The following FHIT variants were observed in gnomAD, a reference collection of about 807,000 sequenced individuals.
FHIT encodes the protein fragile histidine triad diadenosine triphosphatase, also known as bis(5'-adenosyl)-triphosphatase.
In FHIT, 19 loss-of-function variants were observed where a neutral mutation model predicts 17.9. The ratio of observed to expected loss-of-function variants is 1.06; its 90% CI spans 0.74 to 1.56. The LOEUF (loss-of-function observed/expected upper bound fraction) is 1.56, where lower values mean the gene tolerates loss of function less well. Ranked by LOEUF, FHIT falls within the 40% of genes most tolerant of loss-of-function variation. The pLI, the probability that FHIT is intolerant of heterozygous loss-of-function variation, is 0.00. For missense variants in FHIT, 248 were observed against 189.2 expected (o/e 1.31, Z -1.82); for synonymous variants, 81 against 69.7 (o/e 1.16, Z -0.81).
intron 3 of FHIT, among the ~76,000 whole-genome samples, chr3:61,028,977 G>A (rs1436887671): frequency 6.6e-6 from 1 of 152,006 alleles, no homozygotes; most frequent in Non-Finnish European, 1.5e-5. Context: ...GGAGGTCTAG[G>A]TCAGGCACAG....
intron 1 of FHIT, among the ~76,000 whole-genome samples, chr3:61,208,477 G>C (rs1353575617): frequency 6.6e-6 from 1 of 152,070 alleles, no homozygotes; most frequent in African/African-American, 2.4e-5. Flanking sequence ...CTCAGGACTT[G>C]CTTTATGAAT....
At chr3:60,053,263 T>C (rs1458511243) in intron 5 of FHIT, among the ~76,000 whole-genome samples, 1 of 151,652 alleles carries the variant, frequency 6.6e-6, no homozygotes, top group Non-Finnish European at 1.5e-5. Flanking sequence ...ATTTTCTCTC[T>C]AGATACATAT....
intron 2 of FHIT, among the ~76,000 whole-genome samples, chr3:61,054,479 A>T (rs892412897): frequency 2.0e-5 from 3 of 152,342 alleles, no homozygotes; most frequent in Middle Eastern, 3.4e-3. Flanking sequence ...TAGTAGCATC[A>T]GCTAAGAATT....
intron 4 of FHIT, among the ~76,000 whole-genome samples, chr3:60,648,083 G>A (rs1283502016): frequency 1.3e-5 from 2 of 152,092 alleles, no homozygotes; most frequent in African/African-American, 2.4e-5. Flanking sequence ...AGGAAAAAAG[G>A]GAAAAATGAG....
chr3:60,937,905 C>T (rs969326767), intron 3 of FHIT, among the ~76,000 whole-genome samples: 8 of 152,012 alleles, frequency 5.3e-5, no homozygotes, highest in Non-Finnish European at 4.4e-5. Flanking sequence ...AATCACCTGG[C>T]TCTAGGGGGA....
At chr3:60,088,583 C>A (rs1381789192) in intron 5 of FHIT, among the ~76,000 whole-genome samples, 1 of 152,148 alleles carries the variant, frequency 6.6e-6, no homozygotes, top group East Asian at 1.9e-4. Flanking sequence ...CCTCAGTTTC[C>A]ACAATCAGAG....
chr3:60,609,037 A>T (rs1198187031), intron 4 of FHIT, among the ~76,000 whole-genome samples: 3 of 150,256 alleles, frequency 2.0e-5, no homozygotes, highest in African/African-American at 7.3e-5. Flanking sequence ...AAAAAAAAAA[A>T]GTATATAAAT....
chr3:60,139,204 G>A (rs1026012690), intron 5 of FHIT, among the ~76,000 whole-genome samples: 6 of 152,164 alleles, frequency 3.9e-5, no homozygotes, highest in Non-Finnish European at 7.3e-5. Flanking sequence ...TTCAGTACAG[G>A]AAGGCACGTG....
At chr3:60,238,967 G>C (rs1370710824) in intron 5 of FHIT, among the ~76,000 whole-genome samples, 4 of 152,108 alleles carry the variant, frequency 2.6e-5, no homozygotes, top group Non-Finnish European at 5.9e-5. Context: ...ATGGTCCAAG[G>C]AGTTCCATAG....
intron 8 of FHIT, among the ~76,000 whole-genome samples, chr3:59,761,250 GCCCTAAA>G (rs1247011676): frequency 1.3e-5 from 2 of 152,132 alleles, no homozygotes; most frequent in African/African-American, 4.8e-5. Context: ...GTAATAGTAA[GCCCTAAA>G]CAATATCAAA....
chr3:60,937,565 T>TC (rs1708243860), intron 3 of FHIT, among the ~76,000 whole-genome samples: 1 of 127,686 alleles, frequency 7.8e-6, no homozygotes, highest in Middle Eastern at 3.8e-3. Flanking sequence ...TTCTTTTCTT[T>TC]TCTTTTTTTT....
chr3:61,138,609 C>T (rs889568350), intron 2 of FHIT, among the ~76,000 whole-genome samples: 1 of 152,220 alleles, frequency 6.6e-6, no homozygotes, highest in Non-Finnish European at 1.5e-5. Context: ...GGTGGCACAA[C>T]AGGCCATGCT....
intron 5 of FHIT, among the ~76,000 whole-genome samples, chr3:60,437,295 G>A (rs1232815460): frequency 6.6e-6 from 1 of 151,992 alleles, no homozygotes; most frequent in African/African-American, 2.4e-5. Context: ...GAGAAGGAAG[G>A]CATATTTACA....
chr3:61,097,659 CTG>C (rs1321428454), intron 2 of FHIT, among the ~76,000 whole-genome samples: 1 of 152,034 alleles, frequency 6.6e-6, no homozygotes, highest in Non-Finnish European at 1.5e-5. Context: ...TGGTGTGAGA[CTG>C]TATCTCATTG....
intron 5 of FHIT, among the ~76,000 whole-genome samples, chr3:60,304,246 G>A (rs1052178990): frequency 5.3e-5 from 8 of 151,930 alleles, no homozygotes; most frequent in Admixed American, 1.3e-4. Flanking sequence ...TCAGTCAAGG[G>A]GTCACTTGGG....
At chr3:59,902,389 T>A (rs1185091668) in intron 8 of FHIT, among the ~76,000 whole-genome samples, 1 of 151,514 alleles carries the variant, frequency 6.6e-6, no homozygotes, top group African/African-American at 2.4e-5. Context: ...GTACAGAGTT[T>A]CCTCAAAAAT....
chr3:60,382,394 G>A (rs1004348523), intron 5 of FHIT, among the ~76,000 whole-genome samples: 4 of 152,168 alleles, frequency 2.6e-5, no homozygotes, highest in Admixed American at 2.6e-4. Context: ...AGCCATGAGC[G>A]AAGTGTTTTT....
chr3:60,146,834 A>G (rs1229458357), intron 5 of FHIT, among the ~76,000 whole-genome samples: 1 of 152,200 alleles, frequency 6.6e-6, no homozygotes, highest in Non-Finnish European at 1.5e-5. Flanking sequence ...TATCCATGGA[A>G]ATCCGGAACA....
chr3:61,061,078 A>G (rs1319207045), intron 2 of FHIT, among the ~76,000 whole-genome samples: 1 of 152,214 alleles, frequency 6.6e-6, no homozygotes, highest in Non-Finnish European at 1.5e-5. Context: ...TGAACTATAT[A>G]TAATTGTCGA....
Sources: allele counts gnomAD v4.1 joint callset (sites outside exome capture counted in the v4.1 genomes callset), GRCh38; gene constraint gnomAD v4.1.1; transcripts MANE v1.5; gene names NCBI Gene and HGNC (gene_info 2026-07-23, HGNC 2026-07-21).